Variants in GRID2IP observed in about 807,000 individuals in gnomAD.
GRID2IP encodes the protein Grid2 interacting protein.
A neutral mutation model predicts 114.3 loss-of-function variants in GRID2IP; 78 were observed. That is an observed-to-expected ratio of 0.68 (90% CI 0.57 to 0.82). The LOEUF (loss-of-function observed/expected upper bound fraction) is 0.82. Among genes scored for constraint, GRID2IP ranks in the 40% least tolerant of loss-of-function variants. The pLI, the probability that GRID2IP is intolerant of heterozygous loss-of-function variation, is 0.00. For synonymous variants in GRID2IP, 809 were observed against 724.0 expected (o/e 1.12, Z -1.89); for missense variants, 1,727 against 1,678.5 (o/e 1.03, Z -0.51).
intron 2 of GRID2IP, among the ~76,000 whole-genome samples, chr7:6,527,899 C>G (rs1315701053): frequency 6.6e-6 from 1 of 151,982 alleles, no homozygotes; most frequent in East Asian, 1.9e-4. Context: ...GCTGGGATTA[C>G]AGATGCATGC....
rs1310067868 is a variant in GRID2IP, at chr7:6,526,516, C to T, written c.833+5G>A. On this transcript the variant is annotated splice_donor_5th_base_variant and intron_variant, in intron 3 of 21. Coordinates refer to ENST00000457091, the MANE Select transcript of GRID2IP (RefSeq NM_001145118.2). This position sits in a 1 kb window ranked among gnomAD's most constrained non-coding sequence, Gnocchi z 7.6. ...CCGCTGCCAGTGCCTGTGAGCCCCG[C>T]GTACCTGCGCGCGCCCCCGGGGCCG... 11 of 1,262,650 alleles carry T rather than the reference C, an allele frequency of 8.7e-6. No individual in the cohort carries two copies. The Middle Eastern group carries it at 9.1e-4, about 105-fold the overall frequency. 78.2% of individuals were successfully genotyped at this position (1,262,650 alleles called of 1,614,324 possible).
At chr7:6,515,718 A>G (rs1779281968) in intron 7 of GRID2IP, among the ~76,000 whole-genome samples, 1 of 150,396 alleles carries the variant, frequency 6.6e-6, no homozygotes, top group African/African-American at 2.5e-5. Context: ...GGGGAGGCGG[A>G]GGTTGCACCG....
intron 2 of GRID2IP, among the ~76,000 whole-genome samples, chr7:6,531,343 C>T (rs1164285500): frequency 6.6e-6 from 1 of 152,026 alleles, no homozygotes; most frequent in African/African-American, 2.4e-5. Context: ...CGGAAACTGG[C>T]GGCGGTTTGA....
chr7:6,502,960 A>C (rs1299696223), intron 17 of GRID2IP, 48 bp downstream of exon 17: 1 of 1,548,318 alleles, frequency 6.5e-7, no homozygotes, highest in South Asian at 1.2e-5. Context: ...TGGAAGCCCC[A>C]GGAGGCAGAG....
rs973408740 is a variant in GRID2IP at position 6,534,833 on chromosome 7, G to A, written c.584+4885C>T. On this transcript the variant is annotated intron_variant, in intron 2 of 21. Coordinates refer to ENST00000457091, the MANE Select transcript of GRID2IP (RefSeq NM_001145118.2). The surrounding 1 kb of genome is among the most constrained non-coding windows in gnomAD (Gnocchi z 4.5). ...GGGTTCAAGCGATTCTTCTGCTTCA[G>A]CCTCCCAAAGTAGCTGGGATTACTG... Among the ~76,000 whole-genome samples, 3 of 152,174 alleles carry A rather than the reference G, an allele frequency of 2.0e-5. No individual in the cohort carries two copies. Among genetic ancestry groups the A allele is most frequent in the Non-Finnish European group, 2.9e-5 (2 of 68,022 alleles).
chr7:6,521,414 C>T lies in GRID2IP; in HGVS notation c.1084+15G>A. ...TCTGGGGGCCAAGGAAGCCAAGTGT[C>T]CATGGGGGTCTCACCACTGGCAAAT... On this transcript the variant is annotated intron_variant, in intron 6 of 21. Transcript: ENST00000457091. This position sits in a 1 kb window ranked among gnomAD's most constrained non-coding sequence, Gnocchi z 4.1. 5 of 1,524,718 alleles carry T rather than the reference C, an allele frequency of 3.3e-6. No homozygotes were observed. The highest frequency in any genetic ancestry group is 4.4e-6 in the Non-Finnish European group (5 of 1,131,246). 94.4% of individuals were successfully genotyped at this position (1,524,718 alleles called of 1,614,324 possible). A position where few individuals can be genotyped will look rare whatever the true frequency, so the allele number is the denominator to read the frequency against.
In GRID2IP at chr7:6,504,363, G is replaced by A. The variant is rs552393509; in HGVS notation, c.2710+430C>T. Among the ~76,000 whole-genome samples the A allele has an allele frequency of 8.2e-5, 12 of 145,908 alleles. No homozygotes were observed. In the East Asian group the frequency reaches 2.3e-3, roughly 28 times the overall value. ...GAGGAGACCGAATGGAGGGGACAAG[G>A]AACAAGGGCGGGGCCTGCGAGGGGT... On this transcript the variant is annotated intron_variant, in intron 15 of 21. Transcript: ENST00000457091.
At position 6,539,741 on chromosome 7, in the gene GRID2IP, G is replaced by C. The variant is rs776882469; in HGVS notation, c.561C>G (p.Cys187Trp). Residue 187 changes from cysteine (C) to tryptophan (W), a missense_variant, in exon 2 of 22, where the codon TGC becomes TGG. By Grantham distance (215) the Cys-to-Trp change is radical (BLOSUM62 -2). Transcript: ENST00000457091. ...ACCTGAGGTTGTCCAGGAGTGGCCC[G>C]CAGGCCTCTCGGGGCAGCGCCAGGG... Reference protein sequence around the residue: ...TLTLALPREACGPLLDNLRIF... With the variant: ...TLTLALPREAWGPLLDNLRIF... 6 of 1,549,144 alleles carry C rather than the reference G, an allele frequency of 3.9e-6. No homozygotes were observed. The African/African-American group carries it at 6.9e-5, about 18-fold the overall frequency.
Position 6,508,918 on chromosome 7 carries a change from C to A in GRID2IP, c.2127+40G>T. On this transcript the variant is annotated intron_variant, in intron 12 of 21. Transcript: ENST00000457091. The surrounding 1 kb of genome is among the most constrained non-coding windows in gnomAD (Gnocchi z 5.6). ...TGTTGCCTTGCAGACCGCCACACCT[C>A]GCCTCACCCGCCTCCCTCCACACCT... is the stretch of plus-strand genomic sequence containing the variant. 6.6e-7 allele frequency: 1 copy of A among 1,524,224 alleles called. No homozygotes were observed. The allele number at this position is 1,524,224 out of a possible 1,614,324, so 94.4% of individuals were successfully genotyped here. A position where few individuals can be genotyped will look rare whatever the true frequency, so the allele number is the denominator to read the frequency against.
Position 6,497,501 on chromosome 7 carries a change from G to C in GRID2IP, c.*273C>G, listed in dbSNP as rs1786286220. On this transcript the variant is annotated 3_prime_UTR_variant, in exon 22 of 22. Transcript: ENST00000457091. ...CCCTGACAGCCTGGGAGCGAAGTGG[G>C]AAGTGGGCCCAAGAAGCCGACAGAG... 2.8e-6 allele frequency: 1 copy of C among 357,188 alleles called. No individual in the cohort carries two copies. Among genetic ancestry groups the C allele is most frequent in the Non-Finnish European group, 5.1e-6 (1 of 197,494 alleles). 22.1% of individuals were successfully genotyped at this position (357,188 alleles called of 1,614,324 possible).
intron 7 of GRID2IP, among the ~76,000 whole-genome samples, chr7:6,517,381 C>G (rs1386270848): frequency 6.6e-6 from 1 of 152,010 alleles, no homozygotes; most frequent in Non-Finnish European, 1.5e-5. Context: ...TTTCTACGAT[C>G]TCTCATCTCC....
chr7:6,514,395 A>G lies in GRID2IP; in HGVS notation c.1403T>C (p.Leu468Pro). ...ELCQEKIACF[L>P]GYTAMTAEPE... ...CTTACCTGTCATGGCCGTGTAGCCCAGGAAGCATGCGATTTTCTCCTGACA... is the reference window on the plus strand; with the variant it reads ...CTTACCTGTCATGGCCGTGTAGCCCGGGAAGCATGCGATTTTCTCCTGACA... The change falls in exon 8 of 22, where the codon CTG (leucine) becomes CCG (proline). Residue 468 changes from leucine (L) to proline (P), a missense_variant. Transcript: ENST00000457091. 6.5e-7 allele frequency: 1 copy of G among 1,537,988 alleles called. No homozygotes were observed. Among genetic ancestry groups the G allele is most frequent in the East Asian group, 2.5e-5 (1 of 40,632 alleles).
At chr7:6,542,736 G>A (rs1779832437) in intron 1 of GRID2IP, among the ~76,000 whole-genome samples, 1 of 152,160 alleles carries the variant, frequency 6.6e-6, no homozygotes, top group Admixed American at 6.6e-5. Context: ...TTAGAGTGAT[G>A]AAATTGTTTG....
intron 1 of GRID2IP, among the ~76,000 whole-genome samples, chr7:6,547,358 T>A (rs999612566): frequency 2.0e-5 from 3 of 151,624 alleles, no homozygotes; most frequent in Non-Finnish European, 4.4e-5. Context: ...CTGGGCAACA[T>A]AGCAAGACCT....
In GRID2IP at chr7:6,532,879, C is replaced by T. The variant is rs976015009; in HGVS notation, c.585-6110G>A. 6.6e-6 allele frequency among the ~76,000 whole-genome samples: 1 copy of T among 152,188 alleles called. No homozygotes were observed. The highest frequency in any genetic ancestry group is 2.4e-5 in the African/African-American group (1 of 41,446). ...CCTCAGAGCCAGGTCTCCGTGGGCA[C>T]AGTGGGGCCAGCTGCTCATGCCTGT... On this transcript the variant is annotated intron_variant, in intron 2 of 21. Coordinates refer to ENST00000457091, the MANE Select transcript of GRID2IP (RefSeq NM_001145118.2). The surrounding 1 kb of genome is among the most constrained non-coding windows in gnomAD (Gnocchi z 4.4).
intron 18 of GRID2IP, among the ~76,000 whole-genome samples, chr7:6,502,423 C>T (rs1786442450): frequency 6.6e-6 from 1 of 152,118 alleles, no homozygotes; most frequent in African/African-American, 2.4e-5. Flanking sequence ...GCTATGTTGT[C>T]CAGGCTAGTC....
chr7:6,509,282 G>A lies in GRID2IP; in HGVS notation c.1803C>T (p.Pro601=), dbSNP rs940185164. ...AGGGGGAGGGCAAGAGTCGCTCGCTGGGCCATGAGACGCCGGACAGGGTCC... is the reference window on the plus strand; with the variant it reads ...AGGGGGAGGGCAAGAGTCGCTCGCTAGGCCATGAGACGCCGGACAGGGTCC... ...GPRTLSGVSW[P]SERLLPSPCY... Residue 601 remains proline (P), a synonymous_variant, in exon 12 of 22, where the codon CCC becomes CCT. Coordinates refer to ENST00000457091, the MANE Select transcript of GRID2IP (RefSeq NM_001145118.2). This position sits in a 1 kb window ranked among gnomAD's most constrained non-coding sequence, Gnocchi z 4.9. The A allele has an allele frequency of 2.4e-5, 36 of 1,527,178 alleles. No homozygotes were observed. Among genetic ancestry groups the A allele is most frequent in the Non-Finnish European group, 2.8e-5 (32 of 1,134,990 alleles). 94.6% of individuals were successfully genotyped at this position (1,527,178 alleles called of 1,614,324 possible). A position where few individuals can be genotyped will look rare whatever the true frequency, so the allele number is the denominator to read the frequency against.
At position 6,516,132 on chromosome 7, in the gene GRID2IP, AT is replaced by A. The variant is rs1339444472; in HGVS notation, c.1269-1604del. Reference sequence around the variant, plus strand: ...TAATAAAAAATAAATAAATAAATAAATAAAAATAAAGTAGGAGAATATCTTT... The same window carrying A: ...TAATAAAAAATAAATAAATAAATAAAAAAAATAAAGTAGGAGAATATCTTT... On this transcript the variant is annotated intron_variant, in intron 7 of 21. Transcript: ENST00000457091. The surrounding 1 kb of genome is among the most constrained non-coding windows in gnomAD (Gnocchi z 4.3). 3.4e-5 allele frequency among the ~76,000 whole-genome samples: 5 copies of A among 148,712 alleles called. No individual in the cohort carries two copies. The highest frequency in any genetic ancestry group is 1.0e-4 in the African/African-American group (4 of 38,852).
chr7:6,544,541 A>G (rs896808662), intron 1 of GRID2IP, among the ~76,000 whole-genome samples: 16 of 151,876 alleles, frequency 1.1e-4, no homozygotes, highest in East Asian at 5.9e-4. Flanking sequence ...CAGCCTCCCA[A>G]TGTGCTGGGT....
Sources: allele counts gnomAD v4.1 joint callset (sites outside exome capture counted in the v4.1 genomes callset), GRCh38; gene constraint gnomAD v4.1.1; non-coding constraint Gnocchi (gnomAD v3.1); transcripts MANE v1.5; gene names NCBI Gene and HGNC (gene_info 2026-07-23, HGNC 2026-07-21).